The following MTUS2 variants were observed in gnomAD, a reference collection of about 807,000 sequenced individuals.
MTUS2 encodes microtubule associated scaffold protein 2.
Under a neutral mutation model 114.1 loss-of-function variants are expected in MTUS2, and 40 were observed. The ratio of observed to expected loss-of-function variants is 0.35; its 90% CI spans 0.27 to 0.46. The LOEUF is 0.46. Ranked by LOEUF, MTUS2 falls within the 20% of genes least tolerant of loss-of-function variation. MTUS2 has a pLI of 1.00. For missense variants in MTUS2, 1,679 were observed against 1,705.4 expected (o/e 0.98, Z 0.27); for synonymous variants, 688 against 672.0 (o/e 1.02, Z -0.37).
At chr13:28,902,918 G>T (rs1411487104) in intron 2 of MTUS2, among the ~76,000 whole-genome samples, 1 of 152,082 alleles carries the variant, frequency 6.6e-6, no homozygotes, top group Non-Finnish European at 1.5e-5. Context: ...TTAAACATTG[G>T]TGGAATTCTC....
intron 2 of MTUS2, among the ~76,000 whole-genome samples, chr13:28,859,518 C>T (rs1876841892): frequency 6.6e-6 from 1 of 152,146 alleles, no homozygotes; most frequent in East Asian, 1.9e-4. Flanking sequence ...GCTGCTTAGG[C>T]CCTGTGTGTG....
intron 4 of MTUS2, 137 bp downstream of exon 4, chr13:29,034,262 AGATG>A: frequency 1.3e-5 from 15 of 1,148,824 alleles, no homozygotes; most frequent in Non-Finnish European, 1.6e-5. Context: ...ATATGTCTGT[AGATG>A]CAGACATTTG....
intron 2 of MTUS2, among the ~76,000 whole-genome samples, chr13:28,913,736 A>C (rs962650295): frequency 6.6e-6 from 1 of 151,968 alleles, no homozygotes; most frequent in East Asian, 1.9e-4. Context: ...CTGTAAATCC[A>C]TCTGGTCCTG....
At chr13:28,941,697 T>G (rs1393960084) in intron 2 of MTUS2, among the ~76,000 whole-genome samples, 1 of 151,648 alleles carries the variant, frequency 6.6e-6, no homozygotes, top group Admixed American at 6.5e-5. Flanking sequence ...TTTAATAGCT[T>G]CTTCAATCAT....
At position 29,381,357 on chromosome 13, in the gene MTUS2, G is replaced by C. The variant is rs565289066; in HGVS notation, c.3117+21884G>C. Among the ~76,000 whole-genome samples, 5 of 152,334 alleles carry C rather than the reference G, an allele frequency of 3.3e-5. No individual in the cohort carries two copies. The East Asian group carries it at 5.8e-4, about 18-fold the overall frequency. The stretch of plus-strand genomic sequence containing the variant: ...ATATTGTGTAAAATTAGAGGCTATA[G>C]TGCTTATAGCATATAGCGTAGTTAC... On this transcript the variant is annotated intron_variant, in intron 8 of 15. Coordinates refer to ENST00000612955, the MANE Select transcript of MTUS2 (RefSeq NM_001033602.4).
chr13:29,118,825 A>G (rs1891192762), intron 5 of MTUS2, among the ~76,000 whole-genome samples: 1 of 152,172 alleles, frequency 6.6e-6, no homozygotes, highest in Non-Finnish European at 1.5e-5. Context: ...CCTTGGACAA[A>G]TCACATAATC....
In MTUS2 at chr13:29,087,991, G is replaced by A. The variant is rs188235411; in HGVS notation, c.2447-12782G>A. Among the ~76,000 whole-genome samples the A allele has an allele frequency of 1.4e-4, 21 of 151,296 alleles. No individual in the cohort carries two copies. The East Asian group carries it at 2.5e-3, about 18-fold the overall frequency. On this transcript the variant is annotated intron_variant, in intron 4 of 15. Coordinates refer to ENST00000612955, the MANE Select transcript of MTUS2 (RefSeq NM_001033602.4). Reference sequence around the variant, plus strand: ...GGAGAATGGCATGAACCTGGGAGGCGGAGCTTGCAGTGGGCTGAGATCATG... The same window carrying A: ...GGAGAATGGCATGAACCTGGGAGGCAGAGCTTGCAGTGGGCTGAGATCATG...
At chr13:29,270,237 A>G (rs34076296) in intron 5 of MTUS2, among the ~76,000 whole-genome samples, 2 of 152,284 alleles carry the variant, frequency 1.3e-5, no homozygotes, top group African/African-American at 2.4e-5. Flanking sequence ...AATGCCTACC[A>G]CAGGGACCTG....
At chr13:29,353,498 C>T (rs1246301640) in intron 7 of MTUS2, among the ~76,000 whole-genome samples, 1 of 151,940 alleles carries the variant, frequency 6.6e-6, no homozygotes, top group African/African-American at 2.4e-5. Flanking sequence ...GTGGGGTCTT[C>T]CTGTGTTGCC....
chr13:28,977,070 A>G (rs1386313121), intron 2 of MTUS2, among the ~76,000 whole-genome samples: 1 of 151,992 alleles, frequency 6.6e-6, no homozygotes, highest in Non-Finnish European at 1.5e-5. Flanking sequence ...TGAACTGGAT[A>G]TGGGGAGTGA....
chr13:29,469,804 C>T (rs1040978735), intron 9 of MTUS2, among the ~76,000 whole-genome samples: 1 of 151,338 alleles, frequency 6.6e-6, no homozygotes, highest in African/African-American at 2.4e-5. Flanking sequence ...AAGACCCTGT[C>T]TCTAAAAATT....
intron 6 of MTUS2, among the ~76,000 whole-genome samples, chr13:29,314,914 G>A (rs1054706654): frequency 6.6e-6 from 1 of 152,142 alleles, no homozygotes; most frequent in African/African-American, 2.4e-5. Flanking sequence ...CCAAGATGTT[G>A]AATCAACCTT....
At chr13:29,280,924 C>A (rs1898241328) in intron 5 of MTUS2, among the ~76,000 whole-genome samples, 1 of 152,208 alleles carries the variant, frequency 6.6e-6, no homozygotes, top group African/African-American at 2.4e-5. Flanking sequence ...TTAGGCCAAA[C>A]AACTTTGCGT....
At chr13:29,299,002 G>A (rs577170524) in intron 6 of MTUS2, among the ~76,000 whole-genome samples, 18 of 152,326 alleles carry the variant, frequency 1.2e-4, no homozygotes, top group African/African-American at 4.3e-4. Context: ...TCATTGTGAA[G>A]CCAACAGGGA....
chr13:29,330,112 G>T (rs1206647244), intron 7 of MTUS2, among the ~76,000 whole-genome samples: 1 of 152,178 alleles, frequency 6.6e-6, no homozygotes, highest in East Asian at 1.9e-4. Context: ...AGCATCTGTT[G>T]TTTTCTGATT....
chr13:29,323,540 A>G (rs1566130528), intron 6 of MTUS2, among the ~76,000 whole-genome samples: 2 of 152,170 alleles, frequency 1.3e-5, no homozygotes, highest in Non-Finnish European at 2.9e-5. Context: ...GTGAGCCACC[A>G]CGCCCAGCCT....
chr13:29,154,356 T>TGGTA (rs1255725031), intron 5 of MTUS2, among the ~76,000 whole-genome samples: 9 of 152,200 alleles, frequency 5.9e-5, no homozygotes, highest in Non-Finnish European at 1.2e-4. Context: ...AAGAATCATT[T>TGGTA]TACATACCTT....
chr13:29,141,056 A>C (rs1363388780), intron 5 of MTUS2, among the ~76,000 whole-genome samples: 1 of 152,230 alleles, frequency 6.6e-6, no homozygotes, highest in African/African-American at 2.4e-5. Context: ...CATTAGCATA[A>C]AATATATTAA....
intron 4 of MTUS2, among the ~76,000 whole-genome samples, chr13:29,061,712 A>G (rs191101106): frequency 1.5e-3 from 233 of 152,264 alleles, no homozygotes; most frequent in Middle Eastern, 3.4e-3. Flanking sequence ...GACTTGACAC[A>G]CCTTGTTTGT....
Sources: gnomAD v4.1 joint callset for allele counts (sites outside exome capture counted in the v4.1 genomes callset) on GRCh38, gnomAD v4.1.1 for gene constraint, MANE v1.5 for transcripts, NCBI Gene and HGNC (gene_info 2026-07-23, HGNC 2026-07-21) for gene names.